Variants in FHIT observed in about 807,000 individuals in gnomAD.
The protein encoded by FHIT is bis(5'-adenosyl)-triphosphatase.
A neutral mutation model predicts 17.9 loss-of-function variants in FHIT; 19 were observed. The observed-to-expected ratio is 1.06, with a 90% CI of 0.74 to 1.56. FHIT has a LOEUF of 1.56. FHIT is among the 40% of genes most tolerant of loss of function. FHIT has a pLI of 0.00. For synonymous variants in FHIT, 81 were observed against 69.7 expected (o/e 1.16, Z -0.81); for missense variants, 248 against 189.2 (o/e 1.31, Z -1.82).
intron 2 of FHIT, among the ~76,000 whole-genome samples, chr3:61,161,496 C>T (rs2037694197): frequency 6.6e-6 from 1 of 152,178 alleles, no homozygotes; most frequent in Non-Finnish European, 1.5e-5. Context: ...GCCACTGCAC[C>T]CAGCCACAAA....
At chr3:59,757,472 GGT>G (rs1701278375) in intron 8 of FHIT, among the ~76,000 whole-genome samples, 1 of 146,762 alleles carries the variant, frequency 6.8e-6, no homozygotes, top group Non-Finnish European at 1.5e-5. Flanking sequence ...GTTATCACAA[GGT>G]ATATGGGGTA....
intron 4 of FHIT, among the ~76,000 whole-genome samples, chr3:60,595,566 T>A (rs1468977510): frequency 6.6e-6 from 1 of 150,450 alleles, no homozygotes; most frequent in East Asian, 1.9e-4. Flanking sequence ...GACATATGTG[T>A]ATATATATAT....
chr3:59,911,512 C>T (rs968034393), intron 8 of FHIT, among the ~76,000 whole-genome samples: 3 of 152,060 alleles, frequency 2.0e-5, no homozygotes, highest in Admixed American at 1.3e-4. Context: ...ATTCCAGAAA[C>T]GGGTACAGGG....
chr3:60,754,661 A>G (rs975275910), intron 4 of FHIT, among the ~76,000 whole-genome samples: 2 of 152,116 alleles, frequency 1.3e-5, no homozygotes, highest in Non-Finnish European at 2.9e-5. Context: ...CTCAACTACT[A>G]TGATGAGAAG....
intron 4 of FHIT, among the ~76,000 whole-genome samples, chr3:60,781,355 G>A (rs1405786411): frequency 6.6e-6 from 1 of 152,132 alleles, no homozygotes; most frequent in African/African-American, 2.4e-5. Context: ...GACTATTTCT[G>A]CACCAGTCAA....
intron 4 of FHIT, among the ~76,000 whole-genome samples, chr3:60,710,423 G>A (rs62249265): frequency 0.064 from 9,808 of 152,270 alleles, 519 homozygotes; most frequent in African/African-American, 0.14. Context: ...AGTGGGCGCA[G>A]GAGAGTGGGT....
At chr3:60,460,509 T>C (rs868826044) in intron 5 of FHIT, among the ~76,000 whole-genome samples, 10 of 152,304 alleles carry the variant, frequency 6.6e-5, no homozygotes, top group Middle Eastern at 6.8e-3. Context: ...TATTGCATAA[T>C]TCAACTAAAC....
intron 3 of FHIT, among the ~76,000 whole-genome samples, chr3:60,916,083 AT>A (rs1237891955): frequency 1.3e-5 from 2 of 152,134 alleles, no homozygotes; most frequent in Non-Finnish European, 2.9e-5. Flanking sequence ...GTATAGACCC[AT>A]TTTTGTGATG....
At chr3:60,936,759 T>C (rs782175718) in intron 3 of FHIT, among the ~76,000 whole-genome samples, 1 of 152,300 alleles carries the variant, frequency 6.6e-6, no homozygotes, top group Non-Finnish European at 1.5e-5. Flanking sequence ...TGCATAAACA[T>C]TTAAACATTG....
chr3:61,215,438 G>A (rs1263142736), intron 1 of FHIT, among the ~76,000 whole-genome samples: 1 of 152,064 alleles, frequency 6.6e-6, no homozygotes, highest in African/African-American at 2.4e-5. Context: ...AACTTACAAG[G>A]GACATGAAGG....
chr3:60,166,318 G>T (rs903894614), intron 5 of FHIT, among the ~76,000 whole-genome samples: 1 of 152,078 alleles, frequency 6.6e-6, no homozygotes, highest in African/African-American at 2.4e-5. Context: ...CAGAATTATG[G>T]GCCAACTATT....
rs118118059 is a variant in FHIT at position 61,135,438 on chromosome 3, T to C, written c.-164+65179A>G. On this transcript the variant is annotated intron_variant, in intron 2 of 9. Coordinates refer to ENST00000492590, the MANE Select transcript of FHIT (RefSeq NM_002012.4). The stretch of plus-strand genomic sequence containing the variant: ...CAAATAAATCATCCCTGCAACTGTA[T>C]ATACTCATTAGTATTGTTGTTCCCA... 5.1e-4 allele frequency among the ~76,000 whole-genome samples: 78 copies of C among 152,350 alleles called. 1 individual carries two copies. The East Asian group carries it at 0.014, about 27-fold the overall frequency.
chr3:60,240,426 T>G (rs898575294), intron 5 of FHIT, among the ~76,000 whole-genome samples: 2 of 152,146 alleles, frequency 1.3e-5, no homozygotes, highest in African/African-American at 4.8e-5. Flanking sequence ...CTACAACATA[T>G]GCTACCGAGG....
intron 4 of FHIT, among the ~76,000 whole-genome samples, chr3:60,629,706 G>A (rs2039389066): frequency 6.6e-6 from 1 of 152,128 alleles, no homozygotes; most frequent in South Asian, 2.1e-4. Context: ...CTAGAATAAT[G>A]CCCTTCCTGT....
At chr3:60,805,556 A>AT (rs1559736735) in intron 4 of FHIT, among the ~76,000 whole-genome samples, 1 of 151,274 alleles carries the variant, frequency 6.6e-6, no homozygotes, top group Non-Finnish European at 1.5e-5. Flanking sequence ...TTTTTATTTT[A>AT]TTTATTTATT....
intron 7 of FHIT, among the ~76,000 whole-genome samples, chr3:59,968,383 C>A (rs1245599349): frequency 9.2e-5 from 14 of 151,982 alleles, no homozygotes; most frequent in Non-Finnish European, 1.9e-4. Flanking sequence ...GAAAGCTCAG[C>A]TCTACTTAAG....
chr3:61,102,438 T>A (rs2035861581), intron 2 of FHIT, among the ~76,000 whole-genome samples: 2 of 152,128 alleles, frequency 1.3e-5, no homozygotes. Flanking sequence ...TTTTGATGTG[T>A]TGATGGATTT....
intron 3 of FHIT, among the ~76,000 whole-genome samples, chr3:60,876,448 A>G (rs1704655661): frequency 6.6e-6 from 1 of 152,206 alleles, no homozygotes; most frequent in African/African-American, 2.4e-5. Context: ...TTATGAGTCT[A>G]GTATATTTGA....
chr3:60,588,385 G>GA (rs1210508112), intron 4 of FHIT, among the ~76,000 whole-genome samples: 1 of 151,886 alleles, frequency 6.6e-6, no homozygotes, highest in Non-Finnish European at 1.5e-5. Context: ...TACGGAATGT[G>GA]AAAAATGCCA....
Sources: gnomAD v4.1 joint callset for allele counts (sites outside exome capture counted in the v4.1 genomes callset) on GRCh38, gnomAD v4.1.1 for gene constraint, MANE v1.5 for transcripts, NCBI Gene and HGNC (gene_info 2026-07-23, HGNC 2026-07-21) for gene names.